The following PCDHA2 variants were observed in gnomAD, a reference collection of about 807,000 sequenced individuals.
The protein encoded by PCDHA2 is protocadherin alpha-2.
PCDHA2 carries 58 observed loss-of-function variants against 66.0 expected under a neutral mutation model. The ratio of observed to expected loss-of-function variants is 0.88; its 90% confidence interval spans 0.71 to 1.09. The LOEUF (loss-of-function observed/expected upper bound fraction) is 1.09, where lower values mean the gene tolerates loss of function less well. Ranked by LOEUF, PCDHA2 falls within the 50% of genes least tolerant of loss-of-function variation. The probability of loss-of-function intolerance (pLI) is 0.00; values close to 1 mark genes in which losing one functional copy is unlikely to be tolerated. For synonymous variants in PCDHA2, 634 were observed against 554.0 expected (o/e 1.14, Z -2.03); for missense variants, 1,267 against 1,242.3 (o/e 1.02, Z -0.30).
chr5:140,818,355 G>A (rs1231484371), intron 1 of PCDHA2, among the ~76,000 whole-genome samples: 1 of 152,112 alleles, frequency 6.6e-6, no homozygotes, highest in South Asian at 2.1e-4. Context: ...CAAAGTCATT[G>A]ATTGAATTCT....
intron 1 of PCDHA2, chr5:140,801,656 G>T (rs370475459): frequency 1.2e-6 from 2 of 1,614,184 alleles, no homozygotes; most frequent in South Asian, 1.1e-5. Flanking sequence ...CTCGGTTTTC[G>T]CTAGAGGGCG....
chr5:140,806,250 T>A (rs1351853835), intron 1 of PCDHA2, among the ~76,000 whole-genome samples: 8 of 152,148 alleles, frequency 5.3e-5, no homozygotes, highest in Non-Finnish European at 1.0e-4. Context: ...AAAAAAGCTA[T>A]TGGAAGCAGG....
intron 1 of PCDHA2, chr5:140,854,421 A>T (rs1331549600): frequency 1.3e-5 from 2 of 151,624 alleles, no homozygotes; most frequent in Admixed American, 1.3e-4. Flanking sequence ...TAATCTCTAA[A>T]ATCAGAATTT....
chr5:141,006,425 G>A (rs1483231288), intron 3 of PCDHA2, among the ~76,000 whole-genome samples: 2 of 152,080 alleles, frequency 1.3e-5, no homozygotes, highest in African/African-American at 4.8e-5. Context: ...GTGTTAGCCA[G>A]GATGGTCTCA....
chr5:140,820,753 T>C (rs1554127911), intron 1 of PCDHA2, among the ~76,000 whole-genome samples: 1 of 152,114 alleles, frequency 6.6e-6, no homozygotes, highest in Admixed American at 6.5e-5. Flanking sequence ...GTATGTCATA[T>C]AGACAATATT....
Position 140,883,846 on chromosome 5 carries a change from G to A in PCDHA2, c.2388+86494G>A, listed in dbSNP as rs782516685. On this transcript the variant is annotated intron_variant, in intron 1 of 3. Coordinates refer to ENST00000526136, the MANE Select transcript of PCDHA2 (RefSeq NM_018905.3). ...ACGCGCTGCAGCCGTTGGACCACGA[G>A]GAGCTGGAGCTGTTGCAGTTCCAGG... is the stretch of plus-strand genomic sequence containing the variant. The A allele has an allele frequency of 6.8e-6, 11 of 1,612,790 alleles. 1 individual carries two copies. In the Admixed American group the frequency reaches 1.7e-4, roughly 24 times the overall value.
chr5:140,892,497 T>C (rs1459778884), intron 1 of PCDHA2, among the ~76,000 whole-genome samples: 1 of 152,238 alleles, frequency 6.6e-6, no homozygotes, highest in Non-Finnish European at 1.5e-5. Context: ...GAGAGATTGT[T>C]TAAGAAGTTC....
At position 140,856,841 on chromosome 5, in the gene PCDHA2, G is replaced by A. The variant is rs781868199; in HGVS notation, c.2388+59489G>A. On this transcript the variant is annotated intron_variant, in intron 1 of 3. Transcript: ENST00000526136. Reference sequence around the variant, plus strand: ...CCAAACATTAGTAATACGGCTCAACGCTTCTGATTCGGATGAAGGAATAAA... The same window carrying A: ...CCAAACATTAGTAATACGGCTCAACACTTCTGATTCGGATGAAGGAATAAA... 1.3e-5 allele frequency: 20 copies of A among 1,592,418 alleles called. 3 individuals are homozygous for A. The highest frequency in any genetic ancestry group is 3.4e-5 in the Admixed American group (2 of 59,178).
chr5:140,995,206 G>A (rs1179914547), intron 3 of PCDHA2, among the ~76,000 whole-genome samples: 2 of 151,988 alleles, frequency 1.3e-5, no homozygotes, highest in African/African-American at 2.4e-5. Context: ...TATAAATTAG[G>A]CACAATACTC....
chr5:140,804,881 C>A, intron 1 of PCDHA2: 1 of 583,968 alleles, frequency 1.7e-6, no homozygotes, highest in Non-Finnish European at 2.7e-6. Flanking sequence ...TTTCTTGACT[C>A]CTCTCCTTCC....
rs1351948866 is a variant in PCDHA2 at position 140,795,858 on chromosome 5, C to G, written c.894C>G (p.Ile298Met). The G allele has an allele frequency of 7.4e-6, 12 of 1,613,792 alleles. No individual in the cohort carries two copies. Among genetic ancestry groups the G allele is most frequent in the Non-Finnish European group, 1.0e-5 (12 of 1,179,982 alleles). The part of the protein sequence containing the change: ...TIQTKFTIDP[I>M]SGEIRTKGKL... ...AGACTAAGTTTACCATAGATCCCAT[C>G]TCAGGGGAAATCAGAACTAAGGGAA... Residue 298 changes from isoleucine (I) to methionine (M), a missense_variant, in exon 1 of 4, where the codon ATC becomes ATG. Physicochemically the swap from Ile to Met is conservative, Grantham distance 10 (BLOSUM62 1). Transcript: ENST00000526136.
chr5:140,821,988 G>A (rs2150112671), intron 1 of PCDHA2: 52 of 1,614,070 alleles, frequency 3.2e-5, no homozygotes, highest in Admixed American at 3.2e-4. Flanking sequence ...AGGGCCGCGG[G>A]GACCTTCTGG....
At chr5:140,874,212 T>C (rs1199574859) in intron 1 of PCDHA2, among the ~76,000 whole-genome samples, 1 of 152,252 alleles carries the variant, frequency 6.6e-6, no homozygotes, top group Non-Finnish European at 1.5e-5. Context: ...TTTATTATTA[T>C]ATGCAGTAGG....
At position 140,960,310 on chromosome 5, in the gene PCDHA2, C is replaced by A. The variant is rs143765051; in HGVS notation, c.2389-18639C>A. Among the ~76,000 whole-genome samples, 659 of 152,264 alleles carry A rather than the reference C, an allele frequency of 4.3e-3. 9 individuals are homozygous for A. Among genetic ancestry groups the A allele is most frequent in the Admixed American group, 4.1e-3 (63 of 15,288 alleles). ...CCAGTTTCTTCATCAATACCAACCTCATTAGGGTCCTGTGAGAAGTACATG... is the reference window on the plus strand; with the variant it reads ...CCAGTTTCTTCATCAATACCAACCTAATTAGGGTCCTGTGAGAAGTACATG... On this transcript the variant is annotated intron_variant, in intron 1 of 3. Transcript: ENST00000526136.
rs1307934746 is a variant in PCDHA2, at chr5:140,846,014, A to C, written c.2388+48662A>C. 1.3e-5 allele frequency among the ~76,000 whole-genome samples: 2 copies of C among 149,776 alleles called. 1 individual carries two copies. Among genetic ancestry groups the C allele is most frequent in the Non-Finnish European group, 3.0e-5 (2 of 66,864 alleles). On this transcript the variant is annotated intron_variant, in intron 1 of 3. Transcript: ENST00000526136. ...TGTGGTGGAATGAAAAAAATCTAAA[A>C]GTTATTACGAGTTTAGGAAAGTCAA...
intron 1 of PCDHA2, among the ~76,000 whole-genome samples, chr5:140,947,906 A>G (rs2153681662): frequency 6.6e-6 from 1 of 151,710 alleles, no homozygotes; most frequent in South Asian, 2.1e-4. Flanking sequence ...GTGAGAGCAG[A>G]CATTCTTGCC....
intron 1 of PCDHA2, chr5:140,869,802 G>T: frequency 6.2e-7 from 1 of 1,612,556 alleles, no homozygotes; most frequent in South Asian, 1.1e-5. Flanking sequence ...TCCAAGTCTT[G>T]GATGTCAACG....
intron 1 of PCDHA2, chr5:140,822,056 T>C (rs2150113263): frequency 6.2e-7 from 1 of 1,614,216 alleles, no homozygotes; most frequent in Admixed American, 1.7e-5. Context: ...CGGGAGGAGC[T>C]GTGCCGGCGG....
In PCDHA2 at chr5:140,796,142, T is replaced by A. The variant is rs1554119739; in HGVS notation, c.1178T>A (p.Val393Asp). The A allele has an allele frequency of 1.2e-6, 2 of 1,614,182 alleles. No homozygotes were observed. The highest frequency in any genetic ancestry group is 2.2e-5 in the South Asian group (2 of 91,070). ...GTCACCTGCTCCCTGACGCCCCACG[T>A]CCCTTTCAAGCTGGTGTCCACCTTC... ...GHVTCSLTPH[V>D]PFKLVSTFKN... The change falls in exon 1 of 4, where the codon GTC (valine) becomes GAC (aspartate). Residue 393 changes from valine to aspartate, a missense_variant. Val to Asp is a radical substitution (Grantham distance 152, BLOSUM62 -3). Coordinates refer to ENST00000526136, the MANE Select transcript of PCDHA2 (RefSeq NM_018905.3).
Sources: gnomAD v4.1 joint callset for allele counts (sites outside exome capture counted in the v4.1 genomes callset) on GRCh38, gnomAD v4.1.1 for gene constraint, MANE v1.5 for transcripts, NCBI Gene and HGNC (gene_info 2026-07-23, HGNC 2026-07-21) for gene names.